PDE4D: variants seen among roughly 807,000 people sequenced by gnomAD.
PDE4D encodes phosphodiesterase 4D.
Under a neutral mutation model 87.4 loss-of-function variants are expected in PDE4D, and 24 were observed. That is an observed-to-expected ratio of 0.27 (90% CI 0.20 to 0.39). The LOEUF is 0.39. Among genes scored for constraint, PDE4D ranks in the 10% least tolerant of loss-of-function variants. The pLI is 1.00. For missense variants in PDE4D, 714 were observed against 1,041.0 expected, an observed-to-expected ratio of 0.69 and a Z score of 4.32; for synonymous variants, 384 against 383.2, an observed-to-expected ratio of 1.00 and a Z score of -0.02.
At chr5:59,653,821 A>C (rs898546738) in intron 1 of PDE4D, among the ~76,000 whole-genome samples, 4 of 149,936 alleles carry the variant, frequency 2.7e-5, no homozygotes, top group African/African-American at 7.3e-5. Context: ...GGAAAGGGAA[A>C]GACAGGAGGG....
intron 1 of PDE4D, among the ~76,000 whole-genome samples, chr5:59,454,335 G>T (rs1799595620): frequency 6.6e-6 from 1 of 152,118 alleles, no homozygotes; most frequent in Non-Finnish European, 1.5e-5. Flanking sequence ...TTGAATTATG[G>T]GGGACAGGTC....
At chr5:59,645,674 G>A (rs564640584) in intron 1 of PDE4D, among the ~76,000 whole-genome samples, 2 of 152,282 alleles carry the variant, frequency 1.3e-5, no homozygotes, top group South Asian at 4.1e-4. Context: ...TGTGCCCAGA[G>A]CTTCAGGCAC....
chr5:59,520,910 C>T (rs781254752), intron 1 of PDE4D, among the ~76,000 whole-genome samples: 2 of 150,294 alleles, frequency 1.3e-5, no homozygotes, highest in Non-Finnish European at 2.9e-5. Context: ...CATATATACA[C>T]GTTGTGTGTG....
At chr5:59,128,717 T>C (rs1249351232) in intron 5 of PDE4D, among the ~76,000 whole-genome samples, 3 of 152,224 alleles carry the variant, frequency 2.0e-5, no homozygotes, top group African/African-American at 2.4e-5. Flanking sequence ...ATAATGTTTG[T>C]TTCTCTTGAA....
chr5:59,663,109 A>G (rs1745509365), intron 1 of PDE4D, among the ~76,000 whole-genome samples: 2 of 152,186 alleles, frequency 1.3e-5, no homozygotes, highest in South Asian at 2.1e-4. Context: ...AACCACTTAC[A>G]TAGGAAATAA....
At chr5:60,245,521 T>G (rs1014091900) in intron 1 of PDE4D, among the ~76,000 whole-genome samples, 10 of 151,900 alleles carry the variant, frequency 6.6e-5, no homozygotes, top group African/African-American at 2.4e-4. Flanking sequence ...AGCCAGGAAT[T>G]GGTAGCAATC....
chr5:59,642,444 A>G (rs1407273102), intron 1 of PDE4D, among the ~76,000 whole-genome samples: 1 of 152,112 alleles, frequency 6.6e-6, no homozygotes, highest in African/African-American at 2.4e-5. Flanking sequence ...CATAATTTCC[A>G]TGTGTTGTGG....
intron 1 of PDE4D, among the ~76,000 whole-genome samples, chr5:59,409,173 G>A (rs1052409718): frequency 6.6e-6 from 1 of 151,752 alleles, no homozygotes; most frequent in Non-Finnish European, 1.5e-5. Context: ...GAATGGGAAT[G>A]TTTACCCAAT....
rs556772934 is a variant in PDE4D, at chr5:60,058,577, G to A, written c.43-69860C>T. Among the ~76,000 whole-genome samples the A allele has an allele frequency of 2.6e-5, 4 of 151,910 alleles. No individual in the cohort carries two copies. The East Asian group carries it at 7.8e-4, about 29-fold the overall frequency. On this transcript the variant is annotated intron_variant, in intron 2 of 16. Coordinates refer to the PDE4D transcript ENST00000502484. Reference sequence around the variant, plus strand: ...TCTCTACTTTTACCTTGTCTCCTGGGGAAGAGAAGATGAAATAAACTTAAA... The same window carrying A: ...TCTCTACTTTTACCTTGTCTCCTGGAGAAGAGAAGATGAAATAAACTTAAA...
chr5:60,404,614 ATTTTC>A (rs764892679), intron 1 of PDE4D, among the ~76,000 whole-genome samples: 5 of 152,108 alleles, frequency 3.3e-5, no homozygotes, highest in Non-Finnish European at 5.9e-5. Context: ...AGGATATTTT[ATTTTC>A]TTTTATTTTC....
chr5:60,314,577 C>T (rs970123987), intron 1 of PDE4D, among the ~76,000 whole-genome samples: 8 of 152,052 alleles, frequency 5.3e-5, no homozygotes, highest in Non-Finnish European at 1.2e-4. Context: ...TGTTGGTATG[C>T]TGCATCCATT....
chr5:59,228,650 A>C (rs560233749), intron 1 of PDE4D, among the ~76,000 whole-genome samples: 1 of 152,076 alleles, frequency 6.6e-6, no homozygotes, highest in African/African-American at 2.4e-5. Context: ...GATCCTCCTA[A>C]AATGTAAGCC....
intron 2 of PDE4D, among the ~76,000 whole-genome samples, chr5:60,012,018 G>T (rs1370322421): frequency 1.3e-5 from 2 of 152,058 alleles, no homozygotes; most frequent in African/African-American, 4.8e-5. Flanking sequence ...TATCACAGTG[G>T]TGCATGAAAG....
intron 3 of PDE4D, among the ~76,000 whole-genome samples, chr5:59,953,166 G>A (rs564074385): frequency 1.3e-5 from 2 of 151,966 alleles, no homozygotes; most frequent in Admixed American, 6.6e-5. Context: ...TTAAACATAA[G>A]GCAGTATATG....
At chr5:59,315,585 A>T (rs1271749776) in intron 1 of PDE4D, among the ~76,000 whole-genome samples, 1 of 152,066 alleles carries the variant, frequency 6.6e-6, no homozygotes, top group African/African-American at 2.4e-5. Flanking sequence ...CCTCTTCAGG[A>T]ATGATAGATG....
At chr5:59,492,936 T>C (rs1806482010) in intron 1 of PDE4D, among the ~76,000 whole-genome samples, 1 of 152,172 alleles carries the variant, frequency 6.6e-6, no homozygotes, top group Non-Finnish European at 1.5e-5. Flanking sequence ...CCTTGCCTTT[T>C]GCCATGATTG....
At chr5:59,673,284 C>G (rs1197280861) in intron 1 of PDE4D, among the ~76,000 whole-genome samples, 1 of 152,154 alleles carries the variant, frequency 6.6e-6, no homozygotes, top group Admixed American at 6.6e-5. Context: ...GCCAGTATTT[C>G]CATTCCTTAA....
intron 1 of PDE4D, among the ~76,000 whole-genome samples, chr5:59,810,535 T>C (rs976717789): frequency 3.3e-5 from 5 of 152,222 alleles, no homozygotes; most frequent in African/African-American, 1.2e-4. Context: ...CTGGGCCATC[T>C]CCTTGGTCAA....
intron 2 of PDE4D, among the ~76,000 whole-genome samples, chr5:60,160,080 G>A (rs527826644): frequency 5.9e-4 from 90 of 152,218 alleles, no homozygotes; most frequent in Non-Finnish European, 9.7e-4. Flanking sequence ...AAGATGAAGA[G>A]GATGAAGGCC....
Sources: allele counts gnomAD v4.1 joint callset (sites outside exome capture counted in the v4.1 genomes callset), GRCh38; gene constraint gnomAD v4.1.1; transcripts MANE v1.5; gene names NCBI Gene and HGNC (gene_info 2026-07-23, HGNC 2026-07-21).